OTOGL: variants seen among roughly 807,000 people sequenced by gnomAD.
OTOGL encodes the protein otogelin like.
In OTOGL, 285 loss-of-function variants were observed where a neutral mutation model predicts 318.5. The ratio of observed to expected loss-of-function variants is 0.89; its 90% CI spans 0.81 to 0.99. The LOEUF (loss-of-function observed/expected upper bound fraction) is 0.99, where lower values mean the gene tolerates loss of function less well. Among genes scored for constraint, OTOGL ranks in the 50% least tolerant of loss-of-function variants. OTOGL has a pLI of 0.00. For synonymous variants in OTOGL, 987 were observed against 936.5 expected (o/e 1.05, Z -0.99); for missense variants, 2,899 against 2,845.6 (o/e 1.02, Z -0.43).
At chr12:80,285,964 A>G (rs574485068) in intron 26 of OTOGL, among the ~76,000 whole-genome samples, 2 of 152,294 alleles carry the variant, frequency 1.3e-5, no homozygotes, top group East Asian at 1.9e-4. Context: ...TTCAAAGGGA[A>G]TGCTTCCAGT....
At chr12:80,266,406 A>G (rs749138222) in intron 20 of OTOGL, 45 bp from the exon 21 acceptor site, 20 of 1,596,052 alleles carry the variant, frequency 1.3e-5, no homozygotes, top group Admixed American at 1.2e-4. Context: ...AAATGTTTCT[A>G]TGTGCCATGG....
At chr12:80,105,302 A>G (rs17006374) in intron 1 of OTOGL, among the ~76,000 whole-genome samples, 5,461 of 152,322 alleles carry the variant, frequency 0.036, 115 homozygotes, top group South Asian at 0.089. Flanking sequence ...TCACTCAATT[A>G]TAAAATGGTA....
chr12:80,153,715 T>A (rs2137175191), intron 1 of OTOGL, among the ~76,000 whole-genome samples: 1 of 152,294 alleles, frequency 6.6e-6, no homozygotes, highest in East Asian at 1.9e-4. Context: ...GCATCCCTCC[T>A]CTATACCCCT....
At chr12:80,140,831 A>G (rs1871885336) in intron 1 of OTOGL, among the ~76,000 whole-genome samples, 1 of 152,048 alleles carries the variant, frequency 6.6e-6, no homozygotes, top group Non-Finnish European at 1.5e-5. Flanking sequence ...TGACTAAGAG[A>G]GAAGAACTGG....
chr12:80,329,139 C>A lies in OTOGL; in HGVS notation c.4348+20C>A, dbSNP rs972294796. Reference sequence around the variant, plus strand: ...TTACAGGTATTGTTATAATTTTAGACAACAAAAGTAGCACTATGTAGTTTA... The same window carrying A: ...TTACAGGTATTGTTATAATTTTAGAAAACAAAAGTAGCACTATGTAGTTTA... On this transcript the variant is annotated intron_variant, in intron 37 of 58. Transcript: ENST00000547103. 1.4e-6 allele frequency: 2 copies of A among 1,474,146 alleles called. No individual in the cohort carries two copies. The highest frequency in any genetic ancestry group is 1.4e-5 in the South Asian group (1 of 70,390). 91.3% of individuals were successfully genotyped at this position (1,474,146 alleles called of 1,614,324 possible).
chr12:80,272,812 A>G (rs1203961042), intron 24 of OTOGL, among the ~76,000 whole-genome samples: 2 of 152,130 alleles, frequency 1.3e-5, no homozygotes, highest in African/African-American at 4.8e-5. Context: ...AAGAAAGGAC[A>G]TAGGAGGCAG....
At chr12:80,203,814 C>T (rs1876624704) in intron 1 of OTOGL, among the ~76,000 whole-genome samples, 1 of 152,124 alleles carries the variant, frequency 6.6e-6, no homozygotes, top group Non-Finnish European at 1.5e-5. Context: ...CTCTTTTTAT[C>T]ATAATGCAGA....
At position 80,320,407 on chromosome 12, in the gene OTOGL, C is replaced by T; in HGVS notation, c.3803-15C>T. 6.2e-7 allele frequency: 1 copy of T among 1,601,516 alleles called. No homozygotes were observed. The highest frequency in any genetic ancestry group is 1.1e-5 in the South Asian group (1 of 89,262). ...TTCCTTCTCCTGAGAATCCACACTGCTCTATATTTTACAGCATTAGCACTT... is the reference window on the plus strand; with the variant it reads ...TTCCTTCTCCTGAGAATCCACACTGTTCTATATTTTACAGCATTAGCACTT... On this transcript the variant is annotated splice_polypyrimidine_tract_variant and intron_variant, in intron 33 of 58. Transcript: ENST00000547103.
chr12:80,355,189 T>A (rs145044040), intron 46 of OTOGL, among the ~76,000 whole-genome samples: 1 of 113,890 alleles, frequency 8.8e-6, no homozygotes, highest in East Asian at 2.7e-4. Flanking sequence ...AGGAAAGAAA[T>A]TTTTCTTTTA....
At chr12:80,315,367 A>G (rs888196747) in intron 32 of OTOGL, among the ~76,000 whole-genome samples, 1 of 152,212 alleles carries the variant, frequency 6.6e-6, no homozygotes, top group Non-Finnish European at 1.5e-5. Context: ...CAGATTTGCA[A>G]TAAGAAATCT....
chr12:80,344,031 C>T (rs146439175), intron 44 of OTOGL, among the ~76,000 whole-genome samples: 7 of 152,078 alleles, frequency 4.6e-5, no homozygotes, highest in African/African-American at 1.2e-4. Context: ...CTGCCCTACG[C>T]GTTCCCTGAG....
At chr12:80,231,393 TA>T (rs1395166284) in intron 8 of OTOGL, among the ~76,000 whole-genome samples, 1 of 152,132 alleles carries the variant, frequency 6.6e-6, no homozygotes, top group Non-Finnish European at 1.5e-5. Context: ...TAAGTATCTG[TA>T]AAAAATTTTT....
chr12:80,105,140 A>G (rs945964971), intron 1 of OTOGL, among the ~76,000 whole-genome samples: 4 of 152,154 alleles, frequency 2.6e-5, no homozygotes, highest in African/African-American at 9.7e-5. Context: ...AAATTAAGAA[A>G]GTATGCTGAG....
chr12:80,353,322 A>G lies in OTOGL; in HGVS notation c.5408-3A>G. ...AGCAAATTTTGTCTCCTATTCTTCA[A>G]AGCCCTGAGTTGCCCAGAGGGGAAG... is the stretch of plus-strand genomic sequence containing the variant. On this transcript the variant is annotated splice_polypyrimidine_tract_variant and splice_region_variant and intron_variant, in intron 45 of 58. Transcript: ENST00000547103. 6.9e-7 allele frequency: 1 copy of G among 1,452,044 alleles called. No individual in the cohort carries two copies. Among genetic ancestry groups the G allele is most frequent in the South Asian group, 1.6e-5 (1 of 61,674 alleles). The allele number at this position is 1,452,044 out of a possible 1,614,324, so 89.9% of individuals were successfully genotyped here. A position where few individuals can be genotyped will look rare whatever the true frequency, so the allele number is the denominator to read the frequency against.
At chr12:80,143,721 T>G (rs1296048201) in intron 1 of OTOGL, among the ~76,000 whole-genome samples, 2 of 152,110 alleles carry the variant, frequency 1.3e-5, no homozygotes, top group Non-Finnish European at 2.9e-5. Context: ...TTTGATAGAG[T>G]GTGTTAGTTT....
intron 53 of OTOGL, 96 bp from the exon 54 acceptor site, chr12:80,367,465 C>A: frequency 1.1e-6 from 1 of 946,406 alleles, no homozygotes; most frequent in Non-Finnish European, 1.5e-6. Context: ...ATTGGCACAT[C>A]GCAATGAAAA....
chr12:80,356,213 T>C, intron 47 of OTOGL: 3 of 609,394 alleles, frequency 4.9e-6, no homozygotes, highest in South Asian at 2.1e-5. Flanking sequence ...AAGACAATAA[T>C]AGAAAAATGT....
intron 29 of OTOGL, among the ~76,000 whole-genome samples, chr12:80,308,699 C>T (rs1312471212): frequency 6.6e-6 from 1 of 152,234 alleles, no homozygotes; most frequent in Non-Finnish European, 1.5e-5. Flanking sequence ...GTGAACGAGA[C>T]TCCGTCTGCA....
chr12:80,283,590 T>TAGCACA (rs71309560), intron 26 of OTOGL, among the ~76,000 whole-genome samples: 4,312 of 152,164 alleles, frequency 0.028, 177 homozygotes, highest in Admixed American at 0.1. Context: ...TCATGGGAGC[T>TAGCACA]AGCACAATTA....
Sources: gnomAD v4.1 joint callset for allele counts (sites outside exome capture counted in the v4.1 genomes callset) on GRCh38, gnomAD v4.1.1 for gene constraint, MANE v1.5 for transcripts, NCBI Gene and HGNC (gene_info 2026-07-23, HGNC 2026-07-21) for gene names.